Variants in DEPTOR observed in about 807,000 individuals in gnomAD.
The protein encoded by DEPTOR is DEP domain-containing mTOR-interacting protein.
Under a neutral mutation model 41.6 loss-of-function variants are expected in DEPTOR, and 41 were observed. The observed-to-expected ratio is 0.98, with a 90% CI of 0.77 to 1.28. DEPTOR has a LOEUF of 1.28. Among genes scored for constraint, DEPTOR ranks in the 50% most tolerant of loss-of-function variants. The pLI is 0.00. For synonymous variants in DEPTOR, 195 were observed against 192.3 expected (o/e 1.01, Z -0.12); for missense variants, 514 against 527.9 (o/e 0.97, Z 0.26).
chr8:119,897,463 G>A lies in DEPTOR; in HGVS notation c.122+23495G>A, dbSNP rs184678543. 3.2e-3 allele frequency among the ~76,000 whole-genome samples: 483 copies of A among 152,256 alleles called. 2 individuals are homozygous for A. The highest frequency in any genetic ancestry group is 5.4e-3 in the Non-Finnish European group (364 of 68,014). The stretch of plus-strand genomic sequence containing the variant: ...CAGGCGAATCATTTGAACCTGGGAG[G>A]CAGAGGTTGCAGTGAGCTGAGATTG... On this transcript the variant is annotated intron_variant, in intron 1 of 8. Transcript: ENST00000286234.
At chr8:119,971,091 G>GCGT (rs1813070405) in intron 4 of DEPTOR, among the ~76,000 whole-genome samples, 1 of 152,104 alleles carries the variant, frequency 6.6e-6, no homozygotes, top group Admixed American at 6.6e-5. Context: ...ACTTAGCCGG[G>GCGT]CATGGTGGCA....
chr8:120,021,325 C>G (rs1412825180), intron 8 of DEPTOR, among the ~76,000 whole-genome samples: 1 of 152,130 alleles, frequency 6.6e-6, no homozygotes, highest in Non-Finnish European at 1.5e-5. Context: ...ATCACCTGAA[C>G]CCAGGAGGCA....
At chr8:119,878,194 T>A (rs2131331008) in intron 1 of DEPTOR, among the ~76,000 whole-genome samples, 1 of 152,310 alleles carries the variant, frequency 6.6e-6, no homozygotes, top group Non-Finnish European at 1.5e-5. Context: ...TATTTATTTT[T>A]AGAAGAGACG....
At chr8:119,948,448 A>G (rs1828310741) in intron 3 of DEPTOR, among the ~76,000 whole-genome samples, 1 of 152,032 alleles carries the variant, frequency 6.6e-6, no homozygotes, top group African/African-American at 2.4e-5. Flanking sequence ...TAAAATAAAA[A>G]TAAGAATTAA....
intron 4 of DEPTOR, among the ~76,000 whole-genome samples, chr8:119,996,487 G>A (rs927565131): frequency 6.6e-5 from 10 of 152,172 alleles, no homozygotes; most frequent in African/African-American, 7.2e-5. Context: ...ATGTGATGAA[G>A]AAGGACTATA....
chr8:119,923,119 C>G (rs1281607728), intron 1 of DEPTOR, among the ~76,000 whole-genome samples: 1 of 152,008 alleles, frequency 6.6e-6, no homozygotes, highest in African/African-American at 2.4e-5. Flanking sequence ...GTGCTGGAGA[C>G]TATTTTAGTT....
chr8:119,995,256 T>C (rs980728363), intron 4 of DEPTOR, among the ~76,000 whole-genome samples: 12 of 152,156 alleles, frequency 7.9e-5, no homozygotes, highest in Admixed American at 7.9e-4. Context: ...TGAAGATACC[T>C]GGCTGTAAAA....
At chr8:119,900,311 G>A (rs370348391) in intron 1 of DEPTOR, among the ~76,000 whole-genome samples, 27 of 115,054 alleles carry the variant, frequency 2.3e-4, no homozygotes, top group African/African-American at 5.4e-4. Flanking sequence ...GCAACAGAGC[G>A]AGGCTCCATC....
In DEPTOR at chr8:119,959,296, G is replaced by T. The variant is rs188284731; in HGVS notation, c.426-5936G>T. On this transcript the variant is annotated intron_variant, in intron 3 of 8. Coordinates refer to ENST00000286234, the MANE Select transcript of DEPTOR (RefSeq NM_022783.4). ...TCCTGCCTCAGCCTCCTCAGCAGATGGGACTACAGGCGCCCACCACCACGC... is the reference window on the plus strand; with the variant it reads ...TCCTGCCTCAGCCTCCTCAGCAGATTGGACTACAGGCGCCCACCACCACGC... 1.6e-3 allele frequency among the ~76,000 whole-genome samples: 242 copies of T among 150,118 alleles called. 1 individual carries two copies. Among genetic ancestry groups the T allele is most frequent in the African/African-American group, 5.4e-3 (220 of 40,826 alleles).
intron 8 of DEPTOR, among the ~76,000 whole-genome samples, chr8:120,014,908 C>CTT (rs11373732): frequency 0.23 from 34,859 of 150,580 alleles, 4,466 homozygotes; most frequent in Non-Finnish European, 0.29. Flanking sequence ...ATGATATAAT[C>CTT]TTTTTTTTTT....
chr8:119,978,207 C>A (rs1106482), intron 4 of DEPTOR, among the ~76,000 whole-genome samples: 112,366 of 151,330 alleles, frequency 0.74, 41,857 homozygotes, highest in Middle Eastern at 0.86. Flanking sequence ...CTTAAAACGC[C>A]AGCACAATAT....
chr8:119,961,702 G>C (rs1201495884), intron 3 of DEPTOR, among the ~76,000 whole-genome samples: 1 of 152,098 alleles, frequency 6.6e-6, no homozygotes, highest in African/African-American at 2.4e-5. Flanking sequence ...ATTTGAATGG[G>C]AACTACATTT....
At chr8:119,891,418 C>T (rs1827450995) in intron 1 of DEPTOR, among the ~76,000 whole-genome samples, 1 of 152,082 alleles carries the variant, frequency 6.6e-6, no homozygotes. Context: ...CACAGACCCA[C>T]TAGATATTAA....
intron 8 of DEPTOR, among the ~76,000 whole-genome samples, chr8:120,013,439 C>T (rs72673691): frequency 0.042 from 6,382 of 152,212 alleles, 250 homozygotes; most frequent in South Asian, 0.17. Context: ...ACAAAGAAGC[C>T]ATTTGTATAA....
chr8:119,923,699 A>G (rs1397698401), intron 1 of DEPTOR, among the ~76,000 whole-genome samples: 1 of 151,810 alleles, frequency 6.6e-6, no homozygotes, highest in Non-Finnish European at 1.5e-5. Context: ...CCCTCTTCAT[A>G]ATTATTTTAT....
chr8:119,958,921 T>C (rs1325718153), intron 3 of DEPTOR, among the ~76,000 whole-genome samples: 1 of 152,192 alleles, frequency 6.6e-6, no homozygotes, highest in East Asian at 1.9e-4. Flanking sequence ...GAAGTCACAC[T>C]GGAAGACACA....
rs1303906044 is a variant in DEPTOR, at chr8:119,956,720, GTTTTTTGTTTTTT to G, written c.426-8492_426-8480del. Among the ~76,000 whole-genome samples, 7 of 127,874 alleles carry G rather than the reference GTTTTTTGTTTTTT, an allele frequency of 5.5e-5. 1 individual carries two copies. The East Asian group carries it at 8.7e-4, about 16-fold the overall frequency. The allele number at this position is 127,874 out of a possible 152,430, so 83.9% of individuals were successfully genotyped here. A position where few individuals can be genotyped will look rare whatever the true frequency, so the allele number is the denominator to read the frequency against. On this transcript the variant is annotated intron_variant, in intron 3 of 8. Coordinates refer to ENST00000286234, the MANE Select transcript of DEPTOR (RefSeq NM_022783.4). ...TTTTTTTTTTTTTTTAAGAGACAGG[GTTTTTTGTTTTTT>G]TTTTTTGTTTTTTTTTTTTTAGATG...
At chr8:119,921,913 A>G (rs529520465) in intron 1 of DEPTOR, among the ~76,000 whole-genome samples, 1 of 151,834 alleles carries the variant, frequency 6.6e-6, no homozygotes, top group South Asian at 2.1e-4. Context: ...GGCACACACC[A>G]CCACACCCGG....
intron 1 of DEPTOR, among the ~76,000 whole-genome samples, chr8:119,920,734 A>G (rs1193440663): frequency 6.6e-6 from 1 of 152,188 alleles, no homozygotes; most frequent in African/African-American, 2.4e-5. Flanking sequence ...TTTTGGATCC[A>G]GGGAGTCGAG....
Sources: allele counts gnomAD v4.1 joint callset (sites outside exome capture counted in the v4.1 genomes callset), GRCh38; gene constraint gnomAD v4.1.1; transcripts MANE v1.5; gene names NCBI Gene and HGNC (gene_info 2026-07-23, HGNC 2026-07-21).